Variants in NCKAP1L observed in about 807,000 individuals in gnomAD.
NCKAP1L encodes the protein nck-associated protein 1-like.
In NCKAP1L, 53 loss-of-function variants were observed where a neutral mutation model predicts 139.2. That is an observed-to-expected ratio of 0.38 (90% confidence interval 0.31 to 0.48). NCKAP1L has a LOEUF of 0.48. NCKAP1L is among the 20% of genes least tolerant of loss of function. The probability of loss-of-function intolerance (pLI) is 0.98; values close to 1 mark genes in which losing one functional copy is unlikely to be tolerated. For missense variants in NCKAP1L, 1,151 were observed against 1,381.9 expected (o/e 0.83, Z 2.65); for synonymous variants, 468 against 499.7 (o/e 0.94, Z 0.85).
Position 54,542,773 on chromosome 12 carries a change from G to C in NCKAP1L, c.*88G>C. ...CTGTGGTCACTTTCGCAGGGGGTGG[G>C]AATGGGGTGGGGTCACTAAGGAGAG... On this transcript the variant is annotated 3_prime_UTR_variant, in exon 31 of 31. Coordinates refer to ENST00000293373, the MANE Select transcript of NCKAP1L (RefSeq NM_005337.5). 2 of 480,658 alleles carry C rather than the reference G, an allele frequency of 4.2e-6. No homozygotes were observed. The highest frequency in any genetic ancestry group is 5.6e-5 in the East Asian group (1 of 17,964). The allele number at this position is 480,658 out of a possible 1,614,324, so 29.8% of individuals were successfully genotyped here.
At chr12:54,514,965 A>G (rs1956919166) in intron 9 of NCKAP1L, among the ~76,000 whole-genome samples, 1 of 152,218 alleles carries the variant, frequency 6.6e-6, no homozygotes, top group Non-Finnish European at 1.5e-5. Flanking sequence ...AGCAGCAACT[A>G]ACTTGTGTGA....
chr12:54,522,776 GAAT>G (rs1956994661), intron 18 of NCKAP1L, among the ~76,000 whole-genome samples: 1 of 152,188 alleles, frequency 6.6e-6, no homozygotes, highest in Non-Finnish European at 1.5e-5. Flanking sequence ...TAAATGGAGA[GAAT>G]TCCAGTCACC....
intron 9 of NCKAP1L, 92 bp from the exon 10 acceptor site, chr12:54,516,147 G>C: frequency 7.6e-7 from 1 of 1,320,570 alleles, no homozygotes; most frequent in Non-Finnish European, 1.1e-6. Flanking sequence ...TCCCACCAGG[G>C]TATAGGCTGG....
chr12:54,506,796 A>AAAAAAAAAAT, intron 3 of NCKAP1L, among the ~76,000 whole-genome samples: 25 of 50,608 alleles, frequency 4.9e-4, no homozygotes, highest in Admixed American at 1.3e-3. Context: ...AAAAAAAAAA[A>AAAAAAAAAAT]ATATATATAT....
chr12:54,506,762 G>A (rs1350708979), intron 3 of NCKAP1L, among the ~76,000 whole-genome samples: 2 of 108,628 alleles, frequency 1.8e-5, no homozygotes, highest in Non-Finnish European at 3.4e-5. Flanking sequence ...TTAAGTGCCT[G>A]TTCAAATCTT....
Position 54,523,893 on chromosome 12 carries a change from T to A in NCKAP1L, c.2093T>A (p.Val698Glu), listed in dbSNP as rs1333608466. The part of the protein sequence containing the change: ...LTMNHVYSFS[V>E]FEHTIFPSEY... ...ATGAATCATGTATACAGTTTCTCCGTGTTTGAACATACTATCTTCCCTTCT... is the reference window on the plus strand; with the variant it reads ...ATGAATCATGTATACAGTTTCTCCGAGTTTGAACATACTATCTTCCCTTCT... Residue 698 changes from valine (V) to glutamate (E), a missense_variant, in exon 20 of 31, where the codon GTG becomes GAG. Coordinates refer to ENST00000293373, the MANE Select transcript of NCKAP1L (RefSeq NM_005337.5). 1 of 1,614,148 alleles carries A rather than the reference T, an allele frequency of 6.2e-7. No homozygotes were observed. The highest frequency in any genetic ancestry group is 8.5e-7 in the Non-Finnish European group (1 of 1,179,992).
chr12:54,541,233 G>C (rs1478105973), intron 30 of NCKAP1L, among the ~76,000 whole-genome samples: 1 of 152,232 alleles, frequency 6.6e-6, no homozygotes, highest in Non-Finnish European at 1.5e-5. Flanking sequence ...AGAATAGGGA[G>C]GGAAAGATGA....
chr12:54,510,667 A>AG (rs1956880914), intron 7 of NCKAP1L, among the ~76,000 whole-genome samples: 1 of 147,236 alleles, frequency 6.8e-6, no homozygotes, highest in African/African-American at 2.5e-5. Context: ...GTGCCGCCAC[A>AG]CCTGGGTAAT....
chr12:54,516,147 G>A, intron 9 of NCKAP1L, 92 bp from the exon 10 acceptor site: 1 of 1,320,570 alleles, frequency 7.6e-7, no homozygotes, highest in Non-Finnish European at 1.1e-6. Context: ...TCCCACCAGG[G>A]TATAGGCTGG....
intron 4 of NCKAP1L, 71 bp from the exon 5 acceptor site, chr12:54,508,318 G>T: frequency 9.0e-6 from 13 of 1,442,002 alleles, no homozygotes; most frequent in Non-Finnish European, 1.3e-5. Context: ...TGTCCAGAGT[G>T]GTTGGGGAAA....
chr12:54,499,496 G>A (rs1423140342), intron 2 of NCKAP1L, 31 bp downstream of exon 2: 1 of 1,262,276 alleles, frequency 7.9e-7, no homozygotes, highest in Non-Finnish European at 1.2e-6. Context: ...TCCTTTCTCT[G>A]AATAATTCTC....
intron 11 of NCKAP1L, 64 bp from the exon 12 acceptor site, chr12:54,517,469 T>C: frequency 9.6e-7 from 1 of 1,043,226 alleles, no homozygotes; most frequent in South Asian, 1.3e-5. Flanking sequence ...CATGGTAGTT[T>C]ACTCTGTGCT....
chr12:54,513,650 A>C (rs1351111793), intron 9 of NCKAP1L, among the ~76,000 whole-genome samples: 1 of 152,232 alleles, frequency 6.6e-6, no homozygotes, highest in Admixed American at 6.5e-5. Flanking sequence ...AATTGAAAAA[A>C]TGTTCATTGG....
rs1795838 is a variant in NCKAP1L, at chr12:54,517,984, C to T, written c.1338+46C>T. The T allele has an allele frequency of 0.53, 857,070 of 1,604,430 alleles. 233,604 individuals are homozygous for T. The highest frequency in any genetic ancestry group is 0.8 in the East Asian group (35,899 of 44,760). ...TACTTTGGAAATTTCAGGATGATCC[C>T]TAGTGATTTTCCTATTGAAACCACT... is the stretch of plus-strand genomic sequence containing the variant. On this transcript the variant is annotated intron_variant, in intron 13 of 30. Coordinates refer to ENST00000293373, the MANE Select transcript of NCKAP1L (RefSeq NM_005337.5).
Position 54,536,134 on chromosome 12 carries a change from T to C in NCKAP1L, c.2962T>C (p.Ser988Pro). ...AAIANLKADT[S>P]SPEEEYKVAC... ...TCCTTTTTCCCTCTCACCAGATACT[T>C]CATCTCCTGAGGAGGAATATAAGGT... is the stretch of plus-strand genomic sequence containing the variant. The change falls in exon 28 of 31, where the codon TCA becomes CCA. Residue 988 changes from serine to proline, a missense_variant. Ser to Pro is a moderately conservative substitution (Grantham distance 74, BLOSUM62 -1). Coordinates refer to ENST00000293373, the MANE Select transcript of NCKAP1L (RefSeq NM_005337.5). 6.2e-7 allele frequency: 1 copy of C among 1,610,272 alleles called. No individual in the cohort carries two copies.
intron 5 of NCKAP1L, among the ~76,000 whole-genome samples, chr12:54,509,126 C>T (rs188537174): frequency 1.3e-5 from 2 of 152,108 alleles, no homozygotes; most frequent in Non-Finnish European, 2.9e-5. Flanking sequence ...CATTTGAAGC[C>T]AAATATAAAT....
At chr12:54,512,760 GTGTA>G (rs1378871119) in intron 9 of NCKAP1L, among the ~76,000 whole-genome samples, 2 of 66,510 alleles carry the variant, frequency 3.0e-5, no homozygotes, top group African/African-American at 1.9e-4. Context: ...TGAAGAGTGT[GTGTA>G]TGTGTGTGTG....
At position 54,544,386 on chromosome 12, in the gene NCKAP1L, G is replaced by C. The variant is rs1442434084; in HGVS notation, c.*1701G>C. 2 of 152,180 alleles carry C rather than the reference G, an allele frequency of 1.3e-5. No individual in the cohort carries two copies. Among genetic ancestry groups the C allele is most frequent in the African/African-American group, 4.8e-5 (2 of 41,434 alleles). 9.4% of individuals were successfully genotyped at this position (152,180 alleles called of 1,614,324 possible). A position where few individuals can be genotyped will look rare whatever the true frequency, so the allele number is the denominator to read the frequency against. ...AGGACAGCAAGACAAGTTGCTGCAG[G>C]GGGATGGAGGGTAGACAGAATGCCT... On this transcript the variant is annotated 3_prime_UTR_variant, in exon 31 of 31. Transcript: ENST00000293373.
Position 54,519,187 on chromosome 12 carries a change from G to A in NCKAP1L, c.1480G>A (p.Ala494Thr). ...CACACTTTCCCAACTCCAACCGCAG[G>A]CATACACTAGCGTGGCTAAGGCCCC... ...GLRLDWFRLQ[A>T]YTSVAKAPLH... Residue 494 changes from alanine to threonine, a missense_variant and splice_region_variant, in exon 16 of 31, where the codon GCA becomes ACA. By Grantham distance (58) the Ala-to-Thr change is moderately conservative (BLOSUM62 0). Transcript: ENST00000293373. 1.3e-6 allele frequency: 2 copies of A among 1,559,920 alleles called. No individual in the cohort carries two copies. Among genetic ancestry groups the A allele is most frequent in the Non-Finnish European group, 1.7e-6 (2 of 1,160,536 alleles).
Sources: allele counts gnomAD v4.1 joint callset (sites outside exome capture counted in the v4.1 genomes callset), GRCh38; gene constraint gnomAD v4.1.1; transcripts MANE v1.5; gene names NCBI Gene and HGNC (gene_info 2026-07-23, HGNC 2026-07-21).